Variants in UIMC1 observed in about 807,000 individuals in gnomAD.
UIMC1 encodes the protein ubiquitin interaction motif containing 1.
In UIMC1, 42 loss-of-function variants were observed where a neutral mutation model predicts 84.9. That is an observed-to-expected ratio of 0.49 (90% CI 0.39 to 0.64). The LOEUF is 0.64. UIMC1 is among the 30% of genes least tolerant of loss of function. The probability of loss-of-function intolerance (pLI) is 0.00; values close to 1 mark genes in which losing one functional copy is unlikely to be tolerated. For synonymous variants in UIMC1, 281 were observed against 293.0 expected (o/e 0.96, Z 0.42); for missense variants, 825 against 847.6 (o/e 0.97, Z 0.33).
chr5:176,951,695 A>G, intron 8 of UIMC1, 118 bp from the exon 9 acceptor site: 1 of 624,584 alleles, frequency 1.6e-6, no homozygotes, highest in Non-Finnish European at 2.7e-6. Context: ...TGGTGGCAAT[A>G]TATTAATAGA....
At chr5:176,982,433 A>T in intron 2 of UIMC1, 36 bp downstream of exon 2, 1 of 1,589,522 alleles carries the variant, frequency 6.3e-7, no homozygotes, top group Non-Finnish European at 8.5e-7. Flanking sequence ...ATAGTTTGAG[A>T]GCTACAGCTC....
rs180672420 is a variant in UIMC1, at chr5:176,997,729, T to C, written c.-9+8921A>G. The stretch of plus-strand genomic sequence containing the variant: ...AACCCATTTCAATGGTTTCCCACTA[T>C]TTTTATAGTTAGGACATTTTTGCTC... On this transcript the variant is annotated intron_variant, in intron 1 of 14. Coordinates refer to ENST00000511320, the MANE Select transcript of UIMC1 (RefSeq NM_001199298.2). Among the ~76,000 whole-genome samples the C allele has an allele frequency of 9.7e-3, 1,465 of 151,678 alleles. 11 individuals are homozygous for C. Among genetic ancestry groups the C allele is most frequent in the South Asian group, 0.022 (107 of 4,784 alleles).
At chr5:177,009,677 G>C (rs770024101), upstream of UIMC1, among the ~76,000 whole-genome samples, 2 of 152,128 alleles carry the variant, frequency 1.3e-5, no homozygotes, top group Non-Finnish European at 2.9e-5. This position sits in a 1 kb window ranked among gnomAD's most constrained non-coding sequence, Gnocchi z 4.3. Context: ...TGAGGTGGGT[G>C]GATCACTTGA....
At chr5:177,015,602 T>C (rs545789767) in intron 1 of UIMC1, among the ~76,000 whole-genome samples, 1 of 152,298 alleles carries the variant, frequency 6.6e-6, no homozygotes, top group South Asian at 2.1e-4. Context: ...ATTTTCTATG[T>C]GGACTATAAT....
intron 6 of UIMC1, 109 bp from the exon 7 acceptor site, chr5:176,958,263 TAAG>T (rs1766865997): frequency 7.0e-6 from 6 of 855,082 alleles, no homozygotes; most frequent in Admixed American, 2.7e-5. Context: ...CAATTAACAA[TAAG>T]AAGAAAATAT....
rs1775121311 is a variant in UIMC1, at chr5:177,005,466, T to C, written c.-9+1184A>G. Reference sequence around the variant, plus strand: ...TACCTACACACGCATACATCCCTGATACTTCATTTTCCATTTTTTCAGTTT... The same window carrying C: ...TACCTACACACGCATACATCCCTGACACTTCATTTTCCATTTTTTCAGTTT... On this transcript the variant is annotated intron_variant, in intron 1 of 14. Coordinates refer to ENST00000511320, the MANE Select transcript of UIMC1 (RefSeq NM_001199298.2). Among the ~76,000 whole-genome samples, 3 of 152,180 alleles carry C rather than the reference T, an allele frequency of 2.0e-5. 1 individual carries two copies. In the South Asian group the frequency reaches 6.2e-4, roughly 32 times the overall value.
chr5:177,005,584 T>C (rs353493), intron 1 of UIMC1, among the ~76,000 whole-genome samples: 87,290 of 151,124 alleles, frequency 0.58, 26,956 homozygotes, highest in African/African-American at 0.81. Flanking sequence ...TAGGTATTCA[T>C]ATCACGATGT....
chr5:176,950,103 T>TTTC (rs1469722353), intron 9 of UIMC1, among the ~76,000 whole-genome samples: 4 of 143,432 alleles, frequency 2.8e-5, no homozygotes, highest in African/African-American at 1.0e-4. Flanking sequence ...AACCTTTCTT[T>TTTC]TTTTTTTTTT....
At chr5:176,989,976 C>G (rs1043040449) in intron 1 of UIMC1, among the ~76,000 whole-genome samples, 1 of 151,854 alleles carries the variant, frequency 6.6e-6, no homozygotes, top group Admixed American at 6.6e-5. Flanking sequence ...GTCAGGAGAT[C>G]GAGACCATCC....
chr5:176,945,794 G>A (rs972021592), intron 9 of UIMC1, among the ~76,000 whole-genome samples: 4 of 152,124 alleles, frequency 2.6e-5, no homozygotes, highest in Non-Finnish European at 2.9e-5. Context: ...CTAGCTTCAC[G>A]TCCTGTTTCC....
chr5:176,909,939 T>TA (rs1366803324), intron 11 of UIMC1, among the ~76,000 whole-genome samples: 1 of 152,182 alleles, frequency 6.6e-6, no homozygotes, highest in East Asian at 1.9e-4. Context: ...AAAGAATAAC[T>TA]ACCTTAAATC....
Position 176,955,987 on chromosome 5 carries a change from ACTC to A in UIMC1, c.1308_1310del (p.Glu436_Ser437delinsAsp). Reference sequence around the variant, plus strand: ...GACAAACAGTGATTTCTTCTGCAGAACTCTCTGGCATAAGGACTAAGCTTCTCT... The same window carrying A: ...GACAAACAGTGATTTCTTCTGCAGAATCTGGCATAAGGACTAAGCTTCTCT... On this transcript the variant is annotated inframe_deletion, in exon 8 of 15. Transcript: ENST00000511320. 9.3e-6 allele frequency: 15 copies of A among 1,613,604 alleles called. No individual in the cohort carries two copies. The highest frequency in any genetic ancestry group is 1.1e-5 in the Non-Finnish European group (13 of 1,179,716).
At chr5:176,907,263 A>G (rs1581323096) in intron 12 of UIMC1, 86 bp from the exon 13 acceptor site, 3 of 1,294,058 alleles carry the variant, frequency 2.3e-6, no homozygotes, top group South Asian at 1.3e-5. Flanking sequence ...ACGTGTTCAT[A>G]GAAGAGAAAA....
intron 1 of UIMC1, among the ~76,000 whole-genome samples, chr5:177,014,057 CTTTTTT>C (rs34686520): frequency 1.6e-5 from 2 of 122,134 alleles, no homozygotes; most frequent in Non-Finnish European, 3.5e-5. Flanking sequence ...TTTTTCTTTT[CTTTTTT>C]TTTTTTTTTT....
chr5:176,943,428 G>C lies in UIMC1; in HGVS notation c.1504C>G (p.Gln502Glu). 6.2e-7 allele frequency: 1 copy of C among 1,614,134 alleles called. No individual in the cohort carries two copies. The highest frequency in any genetic ancestry group is 1.1e-5 in the South Asian group (1 of 91,080). The change falls in exon 10 of 15, where the codon CAG becomes GAG. Residue 502 changes from glutamine (Q) to glutamate (E), a missense_variant. Coordinates refer to ENST00000511320, the MANE Select transcript of UIMC1 (RefSeq NM_001199298.2). The part of the protein sequence containing the change: ...VAISTFSSSN[Q>E]VSCPLCDQCF... ...TGGTCACATAGCGGGCAGGATACCT[G>C]GTTACTGGATGAGAAGGTAGAAATA...
At chr5:176,923,017 G>A (rs1465498842) in intron 10 of UIMC1, among the ~76,000 whole-genome samples, 1 of 152,152 alleles carries the variant, frequency 6.6e-6, no homozygotes, top group Admixed American at 6.5e-5. Context: ...TGAATCCTAT[G>A]CCAGAGCAGG....
intron 10 of UIMC1, among the ~76,000 whole-genome samples, chr5:176,931,607 T>C (rs4976666): frequency 0.93 from 141,856 of 152,340 alleles, 66,151 homozygotes; most frequent in East Asian, 1. Context: ...TTTCATATGC[T>C]ACATCATACA....
At chr5:176,988,324 T>C (rs1446234526) in intron 1 of UIMC1, among the ~76,000 whole-genome samples, 1 of 151,998 alleles carries the variant, frequency 6.6e-6, no homozygotes, top group African/African-American at 2.4e-5. Context: ...TGTAAAATGG[T>C]GTAGCCACTA....
intron 11 of UIMC1, among the ~76,000 whole-genome samples, chr5:176,910,268 C>T (rs908533652): frequency 5.3e-5 from 8 of 152,212 alleles, no homozygotes; most frequent in African/African-American, 1.9e-4. Context: ...GGTCTAAGAT[C>T]TGTGTTTCAA....
Sources: gnomAD v4.1 joint callset for allele counts (sites outside exome capture counted in the v4.1 genomes callset) on GRCh38, gnomAD v4.1.1 for gene constraint, Gnocchi (gnomAD v3.1) non-coding constraint, MANE v1.5 for transcripts, NCBI Gene and HGNC (gene_info 2026-07-23, HGNC 2026-07-21) for gene names.